The following KRT13 variants were observed in gnomAD, a reference collection of about 807,000 sequenced individuals.
The protein encoded by KRT13 is keratin, type I cytoskeletal 13.
A neutral mutation model predicts 40.6 loss-of-function variants in KRT13; 27 were observed. The observed-to-expected ratio is 0.67, with a 90% CI of 0.49 to 0.92. The LOEUF is 0.92. KRT13 is among the 40% of genes least tolerant of loss of function. The pLI is 0.00. For synonymous variants in KRT13, 266 were observed against 240.3 expected (o/e 1.11, Z -0.99); for missense variants, 605 against 611.5 (o/e 0.99, Z 0.11).
chr17:41,501,508 C>A, intron 7 of KRT13, 146 bp from the exon 8 acceptor site: 1 of 1,102,952 alleles, frequency 9.1e-7, no homozygotes, highest in East Asian at 2.6e-5. Context: ...ATGGCTCTTC[C>A]CAAGACAGCC....
chr17:41,502,275 C>A (rs1036893212), intron 6 of KRT13, 99 bp downstream of exon 6: 1 of 1,610,430 alleles, frequency 6.2e-7, no homozygotes, highest in Non-Finnish European at 8.5e-7. Context: ...GAGGGGTCTC[C>A]TCTCTGACAT....
At chr17:41,504,006 G>A (rs1352632409) in intron 1 of KRT13, 1 of 434,902 alleles carries the variant, frequency 2.3e-6, no homozygotes, top group African/African-American at 2.0e-5. Flanking sequence ...GGGGGTCCAC[G>A]TGCTTGAGGA....
Position 41,505,121 on chromosome 17 carries a change from T to C in KRT13, c.430A>G (p.Ser144Gly). Residue 144 changes from serine (S) to glycine (G), a missense_variant, in exon 1 of 8, where the codon AGC becomes GGC. Coordinates refer to ENST00000246635, the MANE Select transcript of KRT13 (RefSeq NM_153490.3). ...TAGTCCCGCTCAGGGCTAGCTGGGC[T>C]CTGCTTCAGGTGCCAGTCACGGATC... ...VKIRDWHLKQSPASPERDYSP... is the reference protein window; with the variant it reads ...VKIRDWHLKQGPASPERDYSP... 6.2e-7 allele frequency: 1 copy of C among 1,614,232 alleles called. No individual in the cohort carries two copies. Among genetic ancestry groups the C allele is most frequent in the Non-Finnish European group, 8.5e-7 (1 of 1,180,038 alleles).
intron 3 of KRT13, 68 bp from the exon 4 acceptor site, chr17:41,503,166 CAG>C: frequency 6.2e-7 from 1 of 1,607,308 alleles, no homozygotes; most frequent in Non-Finnish European, 8.5e-7. Flanking sequence ...TGAGTGCTGG[CAG>C]AGTGTTCTGG....
Position 41,503,253 on chromosome 17 carries a change from G to T in KRT13, c.735+34C>A, listed in dbSNP as rs140772266. ...GGGCTCCTCCTTCTCACTGGAGGTT[G>T]TTGAGCCCAGGGCAGCCTGCAATTC... On this transcript the variant is annotated intron_variant, in intron 3 of 7. Transcript: ENST00000246635. The T allele has an allele frequency of 1.5e-4, 239 of 1,613,476 alleles. No homozygotes were observed. In the African/African-American group the frequency reaches 2.8e-3, roughly 19 times the overall value.
At position 41,505,448 on chromosome 17, in the gene KRT13, G is replaced by A. The variant is rs762660600; in HGVS notation, c.103C>T (p.Arg35Trp). 9.3e-6 allele frequency: 15 copies of A among 1,613,858 alleles called. No individual in the cohort carries two copies. The highest frequency in any genetic ancestry group is 1.7e-5 in the Admixed American group (1 of 60,020). The change falls in exon 1 of 8, where the codon CGG becomes TGG. Residue 35 changes from arginine (R) to tryptophan (W), a missense_variant. Transcript: ENST00000246635. Reference sequence around the variant, plus strand: ...CCAGCTGATCCCCCGGACACAAACCGAGTTGAACAGGTAGAGACACCACGG... The same window carrying A: ...CCAGCTGATCCCCCGGACACAAACCAAGTTGAACAGGTAGAGACACCACGG... ...GGRGVSTCSTRFVSGGSAGGY... is the reference protein window; with the variant it reads ...GGRGVSTCSTWFVSGGSAGGY...
intron 1 of KRT13, chr17:41,504,138 T>C (rs1010482523): frequency 7.7e-6 from 2 of 260,560 alleles, no homozygotes; most frequent in Non-Finnish European, 7.5e-6. Flanking sequence ...AAGTGAGGAG[T>C]GGGGCTGCAT....
chr17:41,501,638 C>T, intron 7 of KRT13, 81 bp downstream of exon 7: 1 of 1,549,382 alleles, frequency 6.5e-7, no homozygotes, highest in South Asian at 1.2e-5. Context: ...TCCCTCCCTC[C>T]CCGCCAGCTC....
Position 41,505,434 on chromosome 17 carries a change from C to T in KRT13, c.117G>A (p.Gly39=). The T allele has an allele frequency of 6.2e-7, 1 of 1,613,766 alleles. No homozygotes were observed. Among genetic ancestry groups the T allele is most frequent in the Non-Finnish European group, 8.5e-7 (1 of 1,179,674 alleles). ...VSTCSTRFVS[G]GSAGGYGGGV... The stretch of plus-strand genomic sequence containing the variant: ...CGCCTCCATAGCCCCCAGCTGATCC[C>T]CCGGACACAAACCGAGTTGAACAGG... Residue 39 remains glycine (G), a synonymous_variant, in exon 1 of 8, where the codon GGG becomes GGA. Coordinates refer to ENST00000246635, the MANE Select transcript of KRT13 (RefSeq NM_153490.3).
In KRT13 at chr17:41,502,471, A is replaced by G. The variant is rs771164488; in HGVS notation, c.1147T>C (p.Cys383Arg). The G allele has an allele frequency of 6.2e-7, 1 of 1,614,026 alleles. No individual in the cohort carries two copies. The highest frequency in any genetic ancestry group is 1.3e-5 in the African/African-American group (1 of 75,004). ...AGCATCTTGTACTCTTGGTTCTGGC[A>G]CTCCATCTCACTGCGGAGCTCGCTC... ...QLSELRSEME[C>R]QNQEYKMLLD... The change falls in exon 6 of 8, where the codon TGC (cysteine) becomes CGC (arginine). Residue 383 changes from cysteine (C) to arginine (R), a missense_variant. Physicochemically the swap from Cys to Arg is radical, Grantham distance 180. Coordinates refer to ENST00000246635, the MANE Select transcript of KRT13 (RefSeq NM_153490.3).
At chr17:41,502,314 G>T in intron 6 of KRT13, 60 bp downstream of exon 6, 1 of 1,612,742 alleles carries the variant, frequency 6.2e-7, no homozygotes, top group East Asian at 2.2e-5. Context: ...GGCCCTGCCT[G>T]CTCTGACACC....
intron 6 of KRT13, 170 bp downstream of exon 6, chr17:41,502,204 A>G: frequency 6.6e-7 from 1 of 1,517,728 alleles, no homozygotes; most frequent in Non-Finnish European, 8.8e-7. Flanking sequence ...CCCAAATTAG[A>G]AAGTTTAAAG....
Position 41,501,285 on chromosome 17 carries a change from G to C in KRT13, c.1348C>G (p.Arg450Gly), listed in dbSNP as rs773962135. The change falls in exon 8 of 8, where the codon CGC (arginine) becomes GGC (glycine). Residue 450 changes from arginine (R) to glycine (G), a missense_variant. Transcript: ENST00000246635. The stretch of plus-strand genomic sequence containing the variant: ...GGCCTACGGACATCAGAAGTGCGGC[G>C]ACCAGAGGCATTAGAGGTGGTGGTA... The part of the protein sequence containing the change: ...SVTTTSNASG[R>G]RTSDVRRP 6.4e-7 allele frequency: 1 copy of C among 1,572,908 alleles called. No individual in the cohort carries two copies. The highest frequency in any genetic ancestry group is 1.9e-5 in the Admixed American group (1 of 52,660).
rs894459277 is a variant in KRT13, at chr17:41,502,310, G to A, written c.1244+64C>T. 3 of 1,612,438 alleles carry A rather than the reference G, an allele frequency of 1.9e-6. No individual in the cohort carries two copies. In the African/African-American group the frequency reaches 4.0e-5, roughly 22 times the overall value. ...TGAGGGGGTGGATCTCTAAGGCCCT[G>A]CCTGCTCTGACACCCACGGGTCCTG... is the stretch of plus-strand genomic sequence containing the variant. On this transcript the variant is annotated intron_variant, in intron 6 of 7. Coordinates refer to ENST00000246635, the MANE Select transcript of KRT13 (RefSeq NM_153490.3).
chr17:41,501,461 G>T, intron 7 of KRT13, 99 bp from the exon 8 acceptor site: 1 of 1,110,824 alleles, frequency 9.0e-7, no homozygotes, highest in Non-Finnish European at 1.3e-6. Flanking sequence ...CATTAGTCAG[G>T]TGGTGCGTGG....
intron 7 of KRT13, 66 bp from the exon 8 acceptor site, chr17:41,501,428 C>T (rs775938394): frequency 1.5e-4 from 191 of 1,316,586 alleles, no homozygotes; most frequent in Non-Finnish European, 1.9e-4. Context: ...GGCAGGGCCC[C>T]CCTGGAGGGC....
At position 41,505,381 on chromosome 17, in the gene KRT13, G is replaced by A. The variant is rs751353143; in HGVS notation, c.170C>T (p.Ala57Val). ...GGVSCGFGGG[A>V]GSGFGGGYGG... ...ATAGCCACCTCCAAAGCCACTACCA[G>A]CCCCTCCACCAAAACCACAGCTCAC... The change falls in exon 1 of 8, where the codon GCT becomes GTT. Residue 57 changes from alanine to valine, a missense_variant. Transcript: ENST00000246635. The A allele has an allele frequency of 1.9e-6, 3 of 1,613,662 alleles. No individual in the cohort carries two copies. The highest frequency in any genetic ancestry group is 1.1e-5 in the South Asian group (1 of 91,068).
rs1183845695 is a variant in KRT13, at chr17:41,503,644, T to C, written c.577A>G (p.Lys193Glu). 6 of 1,613,650 alleles carry C rather than the reference T, an allele frequency of 3.7e-6. No individual in the cohort carries two copies. The South Asian group carries it at 6.6e-5, about 18-fold the overall frequency. The part of the protein sequence containing the change: ...ARLAADDFRL[K>E]YENELALRQS... ...GGGAGGGGGAAAAAAAAAACTCACT[T>C]GAGCCTGAAGTCGTCCGCAGCCAGC... The change falls in exon 2 of 8, where the codon AAG (lysine) becomes GAG (glutamate). Residue 193 changes from lysine to glutamate, a missense_variant and splice_region_variant. Lys to Glu is a moderately conservative substitution (Grantham distance 56). Transcript: ENST00000246635.
chr17:41,505,399 C>G lies in KRT13; in HGVS notation c.152G>C (p.Cys51Ser). 6.2e-7 allele frequency: 1 copy of G among 1,613,686 alleles called. No homozygotes were observed. Among genetic ancestry groups the G allele is most frequent in the Non-Finnish European group, 8.5e-7 (1 of 1,179,620 alleles). ...ACTACCAGCCCCTCCACCAAAACCACAGCTCACGCCGCCTCCATAGCCCCC... is the reference window on the plus strand; with the variant it reads ...ACTACCAGCCCCTCCACCAAAACCAGAGCTCACGCCGCCTCCATAGCCCCC... Reference protein sequence around the residue: ...SAGGYGGGVSCGFGGGAGSGF... With the variant: ...SAGGYGGGVSSGFGGGAGSGF... The change falls in exon 1 of 8, where the codon TGT (cysteine) becomes TCT (serine). Residue 51 changes from cysteine (C) to serine (S), a missense_variant. Coordinates refer to ENST00000246635, the MANE Select transcript of KRT13 (RefSeq NM_153490.3).
Sources: gnomAD v4.1 joint callset for allele counts on GRCh38, gnomAD v4.1.1 for gene constraint, MANE v1.5 for transcripts, NCBI Gene and HGNC (gene_info 2026-07-23, HGNC 2026-07-21) for gene names.